The following ARID5B variants were observed in gnomAD, a reference collection of about 807,000 sequenced individuals.
ARID5B encodes the protein AT-rich interaction domain 5B.
A neutral mutation model predicts 97.2 loss-of-function variants in ARID5B; 13 were observed. The ratio of observed to expected loss-of-function variants is 0.13; its 90% CI spans 0.09 to 0.21. ARID5B has a LOEUF of 0.21. Among genes scored for constraint, ARID5B ranks in the 10% least tolerant of loss-of-function variants. The pLI, the probability that ARID5B is intolerant of heterozygous loss-of-function variation, is 1.00. For synonymous variants in ARID5B, 556 were observed against 570.3 expected (o/e 0.97, Z 0.36); for missense variants, 1,210 against 1,465.3 (o/e 0.83, Z 2.84).
chr10:62,079,477 G>T (rs865791833), intron 8 of ARID5B, among the ~76,000 whole-genome samples: 1 of 152,164 alleles, frequency 6.6e-6, no homozygotes, highest in African/African-American at 2.4e-5. Flanking sequence ...TGTTAATATT[G>T]TAATGCCTAA....
chr10:62,030,581 CA>C (rs910750964), intron 4 of ARID5B, among the ~76,000 whole-genome samples: 9 of 152,172 alleles, frequency 5.9e-5, no homozygotes, highest in Non-Finnish European at 1.2e-4. Flanking sequence ...AGATCTAAGA[CA>C]AATAACTGTA....
intron 3 of ARID5B, among the ~76,000 whole-genome samples, chr10:61,980,523 C>T (rs1838763021): frequency 6.6e-6 from 1 of 152,182 alleles, no homozygotes; most frequent in South Asian, 2.1e-4. Context: ...AGAAGCCCAG[C>T]AAATGTGAAT....
At chr10:62,077,885 A>T (rs1840159349) in intron 8 of ARID5B, among the ~76,000 whole-genome samples, 1 of 152,228 alleles carries the variant, frequency 6.6e-6, no homozygotes, top group South Asian at 2.1e-4. Flanking sequence ...AACTATTGAA[A>T]ATTCAGAAAG....
At chr10:61,991,933 G>A (rs1838930710) in intron 3 of ARID5B, among the ~76,000 whole-genome samples, 1 of 152,138 alleles carries the variant, frequency 6.6e-6, no homozygotes, top group African/African-American at 2.4e-5. Flanking sequence ...TGGGGAGGCT[G>A]AGGTAGGAGA....
intron 6 of ARID5B, among the ~76,000 whole-genome samples, chr10:62,058,983 T>G (rs1228763621): frequency 6.6e-6 from 1 of 152,222 alleles, no homozygotes; most frequent in Non-Finnish European, 1.5e-5. Context: ...ACAGTAGGAC[T>G]AAAACTCTTG....
intron 4 of ARID5B, among the ~76,000 whole-genome samples, chr10:62,027,443 G>A (rs952709405): frequency 6.6e-6 from 1 of 150,942 alleles, no homozygotes; most frequent in South Asian, 2.1e-4. Flanking sequence ...CAAGTAGCTG[G>A]GACTGCAGGA....
intron 3 of ARID5B, among the ~76,000 whole-genome samples, chr10:61,948,543 A>G (rs1838275492): frequency 6.6e-6 from 1 of 151,560 alleles, no homozygotes; most frequent in South Asian, 2.1e-4. Flanking sequence ...ATTTTTTTGT[A>G]TTTTAGTAGA....
rs201659135 is a variant in ARID5B, at chr10:62,088,889, G to T, written c.1399-1973G>T. Among the ~76,000 whole-genome samples, 11 of 152,296 alleles carry T rather than the reference G, an allele frequency of 7.2e-5. No individual in the cohort carries two copies. In the East Asian group the frequency reaches 1.9e-3, roughly 27 times the overall value. ...AAGTAATGGGATTGCAAGTTGCATG[G>T]TGGGAAGCTAACATTTAACATACTA... On this transcript the variant is annotated intron_variant, in intron 9 of 9. Transcript: ENST00000279873.
intron 4 of ARID5B, 55 bp from the exon 5 acceptor site, chr10:62,050,833 T>A: frequency 6.8e-7 from 1 of 1,469,492 alleles, no homozygotes; most frequent in Non-Finnish European, 9.5e-7. Context: ...GGGTCTTTAA[T>A]AAAGAAACCC....
rs997294848 is a variant in ARID5B at position 61,915,531 on chromosome 10, T to C, written c.276+13118T>C. Among the ~76,000 whole-genome samples the C allele has an allele frequency of 5.9e-5, 9 of 152,152 alleles. 1 individual carries two copies. The highest frequency in any genetic ancestry group is 5.9e-4 in the Admixed American group (9 of 15,280). On this transcript the variant is annotated intron_variant, in intron 2 of 9. Transcript: ENST00000279873. ...GAGCACTACCTCCCTGCAGAATGGT[T>C]TCTGGGCTGGGCTTGGCCTTGGTGA...
intron 3 of ARID5B, among the ~76,000 whole-genome samples, chr10:61,973,142 A>C (rs1838652259): frequency 6.6e-6 from 1 of 152,296 alleles, no homozygotes; most frequent in Admixed American, 6.5e-5. Flanking sequence ...CTATATTTGT[A>C]TCAAGGCTTC....
chr10:62,085,784 A>C lies in ARID5B; in HGVS notation c.1282A>C (p.Ser428Arg), dbSNP rs780286785. The C allele has an allele frequency of 6.2e-7, 1 of 1,614,162 alleles. No homozygotes were observed. Among genetic ancestry groups the C allele is most frequent in the South Asian group, 1.1e-5 (1 of 91,074 alleles). Residue 428 changes from serine (S) to arginine (R), a missense_variant, in exon 9 of 10, where the codon AGT becomes CGT. By Grantham distance (110) the Ser-to-Arg change is moderately radical. This residue lies in a region of ARID5B where 59 missense variants were observed against 156.7 expected (regional missense o/e 0.38). Transcript: ENST00000279873. ...PPIKPRKQEN[S>R]SQENENKTKV... The stretch of plus-strand genomic sequence containing the variant: ...AATCAAACCTCGGAAACAGGAGAAC[A>C]GTTCACAGGAAAATGAGAACAAAAC...
At chr10:62,007,278 T>C (rs1839158372) in intron 4 of ARID5B, among the ~76,000 whole-genome samples, 3 of 152,194 alleles carry the variant, frequency 2.0e-5, no homozygotes, top group African/African-American at 7.2e-5. Context: ...TTCCTTGAAC[T>C]GTAGGTGAGG....
intron 4 of ARID5B, among the ~76,000 whole-genome samples, chr10:62,017,771 A>G (rs1429646652): frequency 6.6e-6 from 1 of 152,180 alleles, no homozygotes; most frequent in East Asian, 1.9e-4. Flanking sequence ...TTTTAGCTCT[A>G]ATTGCTTTTT....
chr10:62,053,193 G>A (rs572724564), intron 5 of ARID5B, among the ~76,000 whole-genome samples: 1 of 152,334 alleles, frequency 6.6e-6, no homozygotes, highest in African/African-American at 2.4e-5. Flanking sequence ...CAGCATCTTA[G>A]AGGACAGTGA....
At chr10:61,965,602 C>T (rs768503341) in intron 3 of ARID5B, among the ~76,000 whole-genome samples, 35 of 151,910 alleles carry the variant, frequency 2.3e-4, no homozygotes, top group Non-Finnish European at 4.9e-4. Context: ...TGTGCATATA[C>T]GTCAATTCAG....
chr10:61,982,284 G>A (rs1356457354), intron 3 of ARID5B, among the ~76,000 whole-genome samples: 1 of 152,172 alleles, frequency 6.6e-6, no homozygotes, highest in Non-Finnish European at 1.5e-5. Context: ...TTTAAAAAAA[G>A]TCAGACACCC....
intron 4 of ARID5B, among the ~76,000 whole-genome samples, chr10:62,034,159 T>C (rs561072392): frequency 1.3e-5 from 2 of 152,348 alleles, no homozygotes; most frequent in Admixed American, 6.5e-5. Context: ...CCTCTCTGTG[T>C]GCATGATTTC....
At chr10:61,942,203 T>C (rs1463122736) in intron 3 of ARID5B, among the ~76,000 whole-genome samples, 1 of 152,174 alleles carries the variant, frequency 6.6e-6, no homozygotes, top group Non-Finnish European at 1.5e-5. Flanking sequence ...GGAAAATAAG[T>C]CTAATTTCTT....
Sources: allele counts gnomAD v4.1 joint callset (sites outside exome capture counted in the v4.1 genomes callset), GRCh38; gene constraint gnomAD v4.1.1; regional missense constraint gnomAD v4.1.1; transcripts MANE v1.5; gene names NCBI Gene and HGNC (gene_info 2026-07-23, HGNC 2026-07-21).